Variants in NSD2 observed in about 807,000 individuals in gnomAD.
NSD2 encodes histone-lysine N-methyltransferase NSD2.
In NSD2, 12 loss-of-function variants were observed where a neutral mutation model predicts 139.0. That is an observed-to-expected ratio of 0.09 (90% confidence interval 0.06 to 0.14). NSD2 has a LOEUF of 0.14. Among genes scored for constraint, NSD2 ranks in the 10% least tolerant of loss-of-function variants. The pLI is 1.00. For missense variants in NSD2, 1,155 were observed against 1,745.0 expected, an observed-to-expected ratio of 0.66 and a Z score of 6.02; for synonymous variants, 669 against 648.7, an observed-to-expected ratio of 1.03 and a Z score of -0.48.
intron 1 of NSD2, among the ~76,000 whole-genome samples, chr4:1,873,381 C>T (rs1476272189): frequency 1.3e-5 from 2 of 152,166 alleles, no homozygotes; most frequent in African/African-American, 4.8e-5. Context: ...TCGTATGTAA[C>T]ATATAAACTA....
intron 1 of NSD2, among the ~76,000 whole-genome samples, chr4:1,872,400 C>T (rs998693083): frequency 6.6e-6 from 1 of 152,132 alleles, no homozygotes; most frequent in African/African-American, 2.4e-5. Context: ...TTAAAAAATG[C>T]TGGTCTTAAG....
chr4:1,937,915 T>C (rs1017484831), intron 7 of NSD2, among the ~76,000 whole-genome samples: 2 of 152,228 alleles, frequency 1.3e-5, no homozygotes, highest in African/African-American at 4.8e-5. Context: ...CTGATGATCT[T>C]TGTTCATTAG....
At position 1,975,492 on chromosome 4, in the gene NSD2, C is replaced by T. The variant is rs1479977178; in HGVS notation, c.3621+92C>T. 4 of 1,204,696 alleles carry T rather than the reference C, an allele frequency of 3.3e-6. No individual in the cohort carries two copies. The African/African-American group carries it at 4.5e-5, about 14-fold the overall frequency. 74.6% of individuals were successfully genotyped at this position (1,204,696 alleles called of 1,614,324 possible). A position where few individuals can be genotyped will look rare whatever the true frequency, so the allele number is the denominator to read the frequency against. On this transcript the variant is annotated intron_variant, in intron 20 of 21. Transcript: ENST00000508803. ...GTCCCCCGTGAACAGCGGCTTCCTC[C>T]AGGCTGGCTTGTTGCCGGGACAGGT... is the stretch of plus-strand genomic sequence containing the variant.
At chr4:1,965,021 A>G (rs977955297) in intron 18 of NSD2, among the ~76,000 whole-genome samples, 1 of 132,346 alleles carries the variant, frequency 7.6e-6, no homozygotes, top group African/African-American at 2.6e-5. Context: ...GAGTTACCAC[A>G]TTATTAGACT....
At position 1,948,531 on chromosome 4, in the gene NSD2, TTGTC is replaced by T; in HGVS notation, c.1882-2536_1882-2533del. On this transcript the variant is annotated intron_variant, in intron 9 of 21. Coordinates refer to ENST00000508803, the MANE Select transcript of NSD2 (RefSeq NM_001042424.3). The surrounding 1 kb of genome is among the most constrained non-coding windows in gnomAD (Gnocchi z 4.5). Reference sequence around the variant, plus strand: ...TTGGATCCTCCCCGACTGTGGCTAGTTGTCTGTCCGGTGGCTGGGAGGGGGTGTG... The same window carrying T: ...TTGGATCCTCCCCGACTGTGGCTAGTTGTCCGGTGGCTGGGAGGGGGTGTG... The T allele has an allele frequency of 3.8e-6, 4 of 1,064,534 alleles. No homozygotes were observed. Among genetic ancestry groups the T allele is most frequent in the South Asian group, 9.1e-5 (2 of 21,962 alleles). 65.9% of individuals were successfully genotyped at this position (1,064,534 alleles called of 1,614,324 possible). A position where few individuals can be genotyped will look rare whatever the true frequency, so the allele number is the denominator to read the frequency against.
intron 18 of NSD2, among the ~76,000 whole-genome samples, chr4:1,961,798 G>A (rs1023143837): frequency 1.3e-5 from 2 of 152,214 alleles, no homozygotes; most frequent in Non-Finnish European, 2.9e-5. Flanking sequence ...GGGGGTGCGT[G>A]TCATCCCTTC....
At chr4:1,905,078 C>T (rs1217303335) in intron 3 of NSD2, among the ~76,000 whole-genome samples, 4 of 151,800 alleles carry the variant, frequency 2.6e-5, no homozygotes, top group Admixed American at 6.6e-5. Context: ...TGCAGTGAGC[C>T]GAGATCGCGC....
intron 18 of NSD2, among the ~76,000 whole-genome samples, chr4:1,962,681 T>C (rs1413685780): frequency 6.6e-6 from 1 of 152,198 alleles, no homozygotes; most frequent in East Asian, 1.9e-4. Flanking sequence ...TTTGTTGTTA[T>C]TTTTCTTTTT....
intron 17 of NSD2, among the ~76,000 whole-genome samples, chr4:1,960,765 G>A (rs1443465931): frequency 1.3e-5 from 2 of 152,258 alleles, no homozygotes; most frequent in African/African-American, 4.8e-5. Flanking sequence ...TTATCAGACA[G>A]CGCTCCTGAG....
At chr4:1,941,401 A>G (rs1723081129) in intron 9 of NSD2, 1 of 1,049,766 alleles carries the variant, frequency 9.5e-7, no homozygotes, top group Non-Finnish European at 1.2e-6. Context: ...AGTCATGTAT[A>G]TCGAAGGCTT....
rs191737778 is a variant in NSD2 at position 1,961,829 on chromosome 4, G to A, written c.3372+678G>A. On this transcript the variant is annotated intron_variant, in intron 18 of 21. Transcript: ENST00000508803. ...CCTTCCCTCACACGGCAGGCTTTTG[G>A]CTTCTGGATGACTTCAGCTGGGGAA... is the stretch of plus-strand genomic sequence containing the variant. 1.3e-5 allele frequency among the ~76,000 whole-genome samples: 2 copies of A among 151,942 alleles called. 1 individual carries two copies. Among genetic ancestry groups the A allele is most frequent in the East Asian group, 4.2e-4 (2 of 4,800 alleles).
rs746372645 is a variant in NSD2, at chr4:1,916,997, A to G, written c.887A>G (p.Glu296Gly). 8 of 1,614,146 alleles carry G rather than the reference A, an allele frequency of 5.0e-6. No individual in the cohort carries two copies. Among genetic ancestry groups the G allele is most frequent in the Non-Finnish European group, 6.8e-6 (8 of 1,180,000 alleles). The change falls in exon 4 of 22, where the codon GAA (glutamate) becomes GGA (glycine). Residue 296 changes from glutamate to glycine, a missense_variant. Physicochemically the swap from Glu to Gly is moderately conservative, Grantham distance 98. This residue lies in a region of NSD2 where 420 missense variants were observed against 469.0 expected (regional missense o/e 0.90). Transcript: ENST00000508803. ...GEGQFEKLCQ[E>G]SAKQAPTKAE... ...GGACAGTTTGAAAAATTATGCCAGGAAAGTGCCAAGCAGGCACCCACGAAA... is the reference window on the plus strand; with the variant it reads ...GGACAGTTTGAAAAATTATGCCAGGGAAGTGCCAAGCAGGCACCCACGAAA...
rs1727801443 is a variant in NSD2 at position 1,981,880 on chromosome 4, C to T, written c.*2971C>T. ...AGTCAGTAGAGTAAAATGCTGTGTC[C>T]ACGGGGTGTCACAGCCTCACCATAC... On this transcript the variant is annotated 3_prime_UTR_variant, in exon 22 of 22. Transcript: ENST00000508803. 2.5e-6 allele frequency: 1 copy of T among 398,428 alleles called. No homozygotes were observed. The highest frequency in any genetic ancestry group is 4.4e-6 in the Non-Finnish European group (1 of 226,064). 24.7% of individuals were successfully genotyped at this position (398,428 alleles called of 1,614,324 possible). A position where few individuals can be genotyped will look rare whatever the true frequency, so the allele number is the denominator to read the frequency against.
At chr4:1,911,587 C>CAAAAAAAAAAAAAAAAAA (rs372660600) in intron 3 of NSD2, among the ~76,000 whole-genome samples, 22 of 42,016 alleles carry the variant, frequency 5.2e-4, no homozygotes, top group Non-Finnish European at 7.4e-4. Context: ...GACGCCATCT[C>CAAAAAAAAAAAAAAAAAA]AAAAAAAAAA....
chr4:1,953,183 G>A (rs1484854268), intron 11 of NSD2, 141 bp from the exon 12 acceptor site: 4 of 1,560,178 alleles, frequency 2.6e-6, no homozygotes, highest in Admixed American at 1.9e-5. Flanking sequence ...GGACTAGTGA[G>A]CAAGGTTGGA....
rs534005773 is a variant in NSD2, at chr4:1,875,823, G to A, written c.-30+4281G>A. Among the ~76,000 whole-genome samples the A allele has an allele frequency of 4.6e-5, 7 of 151,792 alleles. No homozygotes were observed. In the East Asian group the frequency reaches 1.4e-3, roughly 29 times the overall value. Reference sequence around the variant, plus strand: ...ACTCGGGAGGCTGAGGCAGGAGAATGGCGTTAACCCAGGAGGCGGAGCTTG... The same window carrying A: ...ACTCGGGAGGCTGAGGCAGGAGAATAGCGTTAACCCAGGAGGCGGAGCTTG... On this transcript the variant is annotated intron_variant, in intron 1 of 21. Transcript: ENST00000508803.
intron 3 of NSD2, among the ~76,000 whole-genome samples, chr4:1,909,944 TAA>T (rs1323100206): frequency 3.7e-4 from 53 of 145,128 alleles, no homozygotes; most frequent in African/African-American, 1.3e-3. Context: ...CGGCACCCGT[TAA>T]AAAAAAAAAA....
At chr4:1,954,137 A>G (rs1386565590) in intron 12 of NSD2, among the ~76,000 whole-genome samples, 2 of 152,034 alleles carry the variant, frequency 1.3e-5, no homozygotes, top group African/African-American at 4.8e-5. Flanking sequence ...GGCACGTGCC[A>G]CCATACCTAC....
At position 1,979,028 on chromosome 4, in the gene NSD2, T is replaced by C. The variant is rs1348922461; in HGVS notation, c.*119T>C. On this transcript the variant is annotated 3_prime_UTR_variant, in exon 22 of 22. Transcript: ENST00000508803. ...AGCTCGAGCCGCCAGGACACAGACG[T>C]ACAGGCCTCCTCGGGAGGGAGCGCC... is the stretch of plus-strand genomic sequence containing the variant. 2.3e-5 allele frequency: 30 copies of C among 1,314,794 alleles called. No individual in the cohort carries two copies. The highest frequency in any genetic ancestry group is 5.4e-4 in the Middle Eastern group (2 of 3,670). The allele number at this position is 1,314,794 out of a possible 1,614,324, so 81.4% of individuals were successfully genotyped here.
Sources: allele counts gnomAD v4.1 joint callset (sites outside exome capture counted in the v4.1 genomes callset), GRCh38; gene constraint gnomAD v4.1.1; regional missense constraint gnomAD v4.1.1; non-coding constraint Gnocchi (gnomAD v3.1); transcripts MANE v1.5; gene names NCBI Gene and HGNC (gene_info 2026-07-23, HGNC 2026-07-21).